Variants in CENPV observed in about 807,000 individuals in gnomAD.
The protein encoded by CENPV is nuclear protein p30.
In CENPV, 15 loss-of-function variants were observed where a neutral mutation model predicts 26.4. The observed-to-expected ratio is 0.57, with a 90% CI of 0.38 to 0.88. The LOEUF (loss-of-function observed/expected upper bound fraction) is 0.88. Among genes scored for constraint, CENPV ranks in the 40% least tolerant of loss-of-function variants. The pLI is 0.00. For missense variants in CENPV, 336 were observed against 376.5 expected, an observed-to-expected ratio of 0.89 and a Z score of 0.89; for synonymous variants, 172 against 165.5, an observed-to-expected ratio of 1.04 and a Z score of -0.30.
chr17:16,343,748 T>A (rs2093192622), intron 4 of CENPV, among the ~76,000 whole-genome samples: 1 of 151,950 alleles, frequency 6.6e-6, no homozygotes, highest in Non-Finnish European at 1.5e-5. Context: ...AAGGATGACA[T>A]CCTGCCCTGC....
chr17:16,343,312 T>C (rs1038608125), intron 4 of CENPV, among the ~76,000 whole-genome samples: 2 of 152,176 alleles, frequency 1.3e-5, no homozygotes, highest in Non-Finnish European at 2.9e-5. Context: ...CACAGGCCTT[T>C]CCTGTGTTTA....
At position 16,353,252 on chromosome 17, in the gene CENPV, C is replaced by G. The variant is rs113562102; in HGVS notation, c.185G>C (p.Arg62Pro). Residue 62 changes from arginine to proline, a missense_variant, in exon 1 of 5, where the codon CGG becomes CCG. Coordinates refer to ENST00000299736, the MANE Select transcript of CENPV (RefSeq NM_181716.3). ...AVEKPPSEKP[R>P]LRRSSPRAQE... is the part of the protein sequence containing the mutation. ...GGCCCGCGGCGACGAGCGCCTCAGC[C>G]GCGGCTTCTCCGACGGCGGCTTCTC... 3.5e-6 allele frequency: 5 copies of G among 1,416,440 alleles called. No individual in the cohort carries two copies. The highest frequency in any genetic ancestry group is 4.6e-6 in the Non-Finnish European group (5 of 1,086,164). 87.7% of individuals were successfully genotyped at this position (1,416,440 alleles called of 1,614,324 possible). A position where few individuals can be genotyped will look rare whatever the true frequency, so the allele number is the denominator to read the frequency against.
chr17:16,349,217 A>C (rs1036105655), intron 2 of CENPV: 1 of 988,546 alleles, frequency 1.0e-6, no homozygotes, highest in African/African-American at 1.7e-5. Flanking sequence ...GAATCCTCTC[A>C]CAAGTTATTC....
intron 2 of CENPV, chr17:16,349,403 G>T: frequency 2.0e-6 from 2 of 986,100 alleles, no homozygotes; most frequent in Non-Finnish European, 2.4e-6. Context: ...CAAAGCCAGA[G>T]CCTGTCGTCC....
At chr17:16,351,324 AG>A (rs1349436895) in intron 1 of CENPV, 1 of 152,236 alleles carries the variant, frequency 6.6e-6, no homozygotes, top group Non-Finnish European at 1.5e-5. Flanking sequence ...GCTTTCCAAA[AG>A]GATTGAACAC....
chr17:16,342,906 G>A lies in CENPV; in HGVS notation c.730C>T (p.Arg244Trp), dbSNP rs770946294. ...TTGAATTCCTCAGTGACCATACTCC[G>A]CACAGTGCCCTCATCCAGGCAGTGG... ...APHCLDEGTV[R>W]SMVTEEFNGS... is the part of the protein sequence containing the mutation. Residue 244 changes from arginine to tryptophan, a missense_variant, in exon 5 of 5, where the codon CGG (arginine) becomes TGG (tryptophan). Around this residue, in one of 2 missense-constraint regions of CENPV, gnomAD observed 155 missense variants for 227.8 expected, o/e 0.68. Transcript: ENST00000299736. The A allele has an allele frequency of 4.3e-6, 7 of 1,614,050 alleles. No homozygotes were observed. Among genetic ancestry groups the A allele is most frequent in the Non-Finnish European group, 4.2e-6 (5 of 1,179,992 alleles).
chr17:16,345,013 C>T (rs2142897045), intron 3 of CENPV, among the ~76,000 whole-genome samples: 1 of 152,130 alleles, frequency 6.6e-6, no homozygotes, highest in Non-Finnish European at 1.5e-5. Context: ...CCTCATGATT[C>T]ACCCACCTTG....
Position 16,353,171 on chromosome 17 carries a change from G to C in CENPV, c.266C>G (p.Pro89Arg). 1 of 1,428,856 alleles carries C rather than the reference G, an allele frequency of 7.0e-7. No individual in the cohort carries two copies. 88.5% of individuals were successfully genotyped at this position (1,428,856 alleles called of 1,614,324 possible). ...PPPELALLPP[P>R]PPPPPTPATP... is the part of the protein sequence containing the mutation. Reference sequence around the variant, plus strand: ...CGCGGGAGTCGGCGGCGGCGGCGGCGGTGGCGGGAGCAACGCCAGCTCAGG... The same window carrying C: ...CGCGGGAGTCGGCGGCGGCGGCGGCCGTGGCGGGAGCAACGCCAGCTCAGG... Residue 89 changes from proline (P) to arginine (R), a missense_variant, in exon 1 of 5, where the codon CCG becomes CGG. Physicochemically the swap from Pro to Arg is moderately radical, Grantham distance 103 (BLOSUM62 -2). Transcript: ENST00000299736.
Position 16,342,837 on chromosome 17 carries a change from T to G in CENPV, c.799A>C (p.Lys267Gln). 6.2e-7 allele frequency: 1 copy of G among 1,614,136 alleles called. No individual in the cohort carries two copies. The highest frequency in any genetic ancestry group is 8.5e-7 in the Non-Finnish European group (1 of 1,180,030). Residue 267 changes from lysine (K) to glutamine (Q), a missense_variant, in exon 5 of 5, where the codon AAG (lysine) becomes CAG (glutamine). This residue lies in a region of CENPV where 155 missense variants were observed against 227.8 expected (regional missense o/e 0.68). Coordinates refer to ENST00000299736, the MANE Select transcript of CENPV (RefSeq NM_181716.3). Reference protein sequence around the residue: ...EKAMKEHKTIKNMSKE With the variant: ...EKAMKEHKTIQNMSKE The stretch of plus-strand genomic sequence containing the variant: ...GAAGCTCACTCTTTAGACATGTTCT[T>G]GATGGTCTTGTGCTCTTTCATGGCC...
Position 16,353,361 on chromosome 17 carries a change from C to A in CENPV, c.76G>T (p.Ala26Ser). Residue 26 changes from alanine to serine, a missense_variant, in exon 1 of 5, where the codon GCC (alanine) becomes TCC (serine). Transcript: ENST00000299736. ...GGTGCCAAGGCAGCGGCCGCGGAGG[C>A]CGCGGGGGCCGCGGAGGCCCCGGAC... The part of the protein sequence containing the change: ...KRSGASAAPA[A>S]SAAAALAPSA... 1.6e-6 allele frequency: 2 copies of A among 1,242,552 alleles called. No homozygotes were observed. Among genetic ancestry groups the A allele is most frequent in the South Asian group, 5.4e-5 (2 of 36,918 alleles). The allele number at this position is 1,242,552 out of a possible 1,614,324, so 77.0% of individuals were successfully genotyped here. A position where few individuals can be genotyped will look rare whatever the true frequency, so the allele number is the denominator to read the frequency against.
chr17:16,344,735 A>G (rs1444401829), intron 3 of CENPV, 24 bp from the exon 4 acceptor site: 1 of 1,294,400 alleles, frequency 7.7e-7, no homozygotes, highest in Non-Finnish European at 1.1e-6. Context: ...GACAAACGGT[A>G]TTCTTTTTTA....
chr17:16,342,863 TTC>T lies in CENPV; in HGVS notation c.771_772del (p.Lys258GlyfsTer13). ...GATGGTCTTGTGCTCTTTCATGGCC[TTC>T]TCCCAATCGCTGCCATTGAATTCCT... On this transcript the variant is annotated frameshift_variant, in exon 5 of 5. Transcript: ENST00000299736. LOFTEE classifies it high-confidence loss of function. The T allele has an allele frequency of 1.9e-6, 3 of 1,614,142 alleles. No individual in the cohort carries two copies. Among genetic ancestry groups the T allele is most frequent in the Non-Finnish European group, 2.5e-6 (3 of 1,180,030 alleles).
chr17:16,348,718 A>G, intron 2 of CENPV, 33 bp from the exon 3 acceptor site: 1 of 1,612,812 alleles, frequency 6.2e-7, no homozygotes, highest in Non-Finnish European at 8.5e-7. Flanking sequence ...CCAGATTGTG[A>G]GCAGCCACCT....
chr17:16,349,602 T>C (rs975590561), intron 2 of CENPV: 2 of 1,066,328 alleles, frequency 1.9e-6, no homozygotes, highest in Non-Finnish European at 2.3e-6. Context: ...TGCCCAAGGC[T>C]TTCCACTCAG....
chr17:16,349,054 T>C (rs2093219343), intron 2 of CENPV: 7 of 996,470 alleles, frequency 7.0e-6, no homozygotes, highest in Non-Finnish European at 8.4e-6. Context: ...ACACCAAAAA[T>C]GGACAAGGAA....
At chr17:16,346,674 C>A (rs2093207835) in intron 3 of CENPV, among the ~76,000 whole-genome samples, 1 of 151,932 alleles carries the variant, frequency 6.6e-6, no homozygotes. Context: ...TCACTTGAGC[C>A]TGGGAGGCGG....
rs776046857 is a variant in CENPV, at chr17:16,353,358, AGGCCGCGGG to A, written c.70_78del (p.Pro24_Ala26del). The A allele has an allele frequency of 2.4e-5, 25 of 1,030,770 alleles. No homozygotes were observed. The African/African-American group carries it at 3.3e-4, about 13-fold the overall frequency. The allele number at this position is 1,030,770 out of a possible 1,614,324, so 63.9% of individuals were successfully genotyped here. A position where few individuals can be genotyped will look rare whatever the true frequency, so the allele number is the denominator to read the frequency against. On this transcript the variant is annotated inframe_deletion, in exon 1 of 5. Transcript: ENST00000299736. ...CTGGGTGCCAAGGCAGCGGCCGCGG[AGGCCGCGGG>A]GGCCGCGGAGGCCCCGGACCGCTTC...
chr17:16,344,699 T>G lies in CENPV; in HGVS notation c.592A>C (p.Ile198Leu), dbSNP rs2093197698. The G allele has an allele frequency of 1.9e-6, 3 of 1,585,756 alleles. No individual in the cohort carries two copies. The highest frequency in any genetic ancestry group is 1.8e-5 in the Admixed American group (1 of 56,626). ...RFKLLKGAEH[I>L]TTYTFNTHKA... The stretch of plus-strand genomic sequence containing the variant: ...TGAGTATTGAACGTGTAAGTCGTTA[T>G]GTGCTCAGCTCCCTAGGTGAAAACA... Residue 198 changes from isoleucine to leucine, a missense_variant, in exon 4 of 5, where the codon ATA becomes CTA. Coordinates refer to ENST00000299736, the MANE Select transcript of CENPV (RefSeq NM_181716.3).
In CENPV at chr17:16,353,191, C is replaced by A. The variant is rs1600912062; in HGVS notation, c.246G>T (p.Glu82Asp). 4.3e-6 allele frequency: 6 copies of A among 1,379,796 alleles called. No homozygotes were observed. Among genetic ancestry groups the A allele is most frequent in the Non-Finnish European group, 4.7e-6 (5 of 1,072,470 alleles). 85.5% of individuals were successfully genotyped at this position (1,379,796 alleles called of 1,614,324 possible). A position where few individuals can be genotyped will look rare whatever the true frequency, so the allele number is the denominator to read the frequency against. The change falls in exon 1 of 5, where the codon GAG (glutamate) becomes GAT (aspartate). Residue 82 changes from glutamate (E) to aspartate (D), a missense_variant. Physicochemically the swap from Glu to Asp is conservative, Grantham distance 45 (BLOSUM62 2). Coordinates refer to ENST00000299736, the MANE Select transcript of CENPV (RefSeq NM_181716.3). ...GCGGCGGTGGCGGGAGCAACGCCAG[C>A]TCAGGCGGCGGCGGCTCCCCCGGGC... Reference protein sequence around the residue: ...EEGPGEPPPPELALLPPPPPP... With the variant: ...EEGPGEPPPPDLALLPPPPPP...
Sources: gnomAD v4.1 joint callset for allele counts (sites outside exome capture counted in the v4.1 genomes callset) on GRCh38, gnomAD v4.1.1 for gene constraint, gnomAD v4.1.1 regional missense constraint, MANE v1.5 for transcripts, NCBI Gene and HGNC (gene_info 2026-07-23, HGNC 2026-07-21) for gene names.